OXR1: variants seen among roughly 807,000 people sequenced by gnomAD.
The protein encoded by OXR1 is oxidation resistance 1.
Under a neutral mutation model 104.6 loss-of-function variants are expected in OXR1, and 41 were observed. That is an observed-to-expected ratio of 0.39 (90% CI 0.31 to 0.51). The LOEUF is 0.51. Ranked by LOEUF, OXR1 falls within the 20% of genes least tolerant of loss-of-function variation. The pLI is 0.77. For missense variants in OXR1, 955 were observed against 1,031.9 expected (o/e 0.93, Z 1.02); for synonymous variants, 348 against 348.4 (o/e 1.00, Z 0.01).
chr8:106,404,656 T>A (rs1818142600), intron 2 of OXR1, among the ~76,000 whole-genome samples: 1 of 152,162 alleles, frequency 6.6e-6, no homozygotes, highest in Admixed American at 6.5e-5. Flanking sequence ...TTACTATGTT[T>A]GTTACTTTTC....
At chr8:106,369,249 G>T (rs1816608395) in intron 2 of OXR1, among the ~76,000 whole-genome samples, 2 of 151,972 alleles carry the variant, frequency 1.3e-5, no homozygotes, top group African/African-American at 4.8e-5. Context: ...GGGGTTGTTT[G>T]TTTTTTCTTG....
At chr8:106,519,346 T>C (rs944760986) in intron 3 of OXR1, among the ~76,000 whole-genome samples, 2 of 152,196 alleles carry the variant, frequency 1.3e-5, no homozygotes, top group African/African-American at 4.8e-5. Flanking sequence ...AAAGCAGGCT[T>C]GAGGACCTTC....
Position 106,706,889 on chromosome 8 carries a change from T to C in OXR1, c.1368T>C (p.Asn456=). Residue 456 remains asparagine, a synonymous_variant, in exon 9 of 17, where the codon AAT becomes AAC. Coordinates refer to ENST00000517566, the MANE Select transcript of OXR1 (RefSeq NM_001198533.2). ...ACCAGGATTCTTTTCTTCATGAGAA[T>C]TCGTTACACCAAGAAGAGAGTCAAA... is the stretch of plus-strand genomic sequence containing the variant. The part of the protein sequence containing the change: ...NSDQDSFLHE[N]SLHQEESQKE... 1 of 1,611,700 alleles carries C rather than the reference T, an allele frequency of 6.2e-7. No homozygotes were observed. Among genetic ancestry groups the C allele is most frequent in the East Asian group, 2.2e-5 (1 of 44,858 alleles).
chr8:106,511,090 G>T (rs1812492941), intron 2 of OXR1, among the ~76,000 whole-genome samples: 1 of 152,110 alleles, frequency 6.6e-6, no homozygotes, highest in Admixed American at 6.6e-5. Flanking sequence ...CCAAGGGATT[G>T]TTTTCTTCTT....
At chr8:106,529,641 T>C (rs1813945369) in intron 3 of OXR1, among the ~76,000 whole-genome samples, 1 of 152,192 alleles carries the variant, frequency 6.6e-6, no homozygotes, top group Non-Finnish European at 1.5e-5. Context: ...TTTGCCCTGA[T>C]TCTGTGATTG....
chr8:106,702,819 C>T, intron 7 of OXR1, 87 bp from the exon 8 acceptor site: 1 of 1,015,292 alleles, frequency 9.8e-7, no homozygotes, highest in Non-Finnish European at 1.4e-6. Context: ...TATGGCCTAA[C>T]ATCAGAAGAA....
At chr8:106,576,580 A>G (rs1817857392) in intron 3 of OXR1, among the ~76,000 whole-genome samples, 1 of 152,004 alleles carries the variant, frequency 6.6e-6, no homozygotes, top group African/African-American at 2.4e-5. Context: ...ATAAATGTAC[A>G]GTCTATGTAA....
chr8:106,298,923 ATGTGTG>A (rs36103627), intron 1 of OXR1, among the ~76,000 whole-genome samples: 1 of 150,048 alleles, frequency 6.7e-6, no homozygotes, highest in Non-Finnish European at 1.5e-5. Context: ...TTATATATAT[ATGTGTG>A]TGTGTGTGTG....
chr8:106,597,491 C>T (rs1041975448), intron 3 of OXR1, among the ~76,000 whole-genome samples: 39 of 152,106 alleles, frequency 2.6e-4, no homozygotes, highest in Admixed American at 4.6e-4. Flanking sequence ...GAAAGGAAGA[C>T]AAATTTAACA....
intron 9 of OXR1, among the ~76,000 whole-genome samples, chr8:106,708,418 A>G (rs1378175807): frequency 2.0e-5 from 3 of 152,112 alleles, no homozygotes; most frequent in Non-Finnish European, 4.4e-5. Flanking sequence ...AATAAAAAAC[A>G]AAAACCAGTA....
intron 1 of OXR1, among the ~76,000 whole-genome samples, chr8:106,308,488 A>T (rs968385719): frequency 2.6e-5 from 4 of 152,164 alleles, no homozygotes; most frequent in Non-Finnish European, 5.9e-5. Flanking sequence ...ATAAAATTAA[A>T]CATCACACCT....
chr8:106,275,869 T>C (rs1812017364), intron 1 of OXR1, among the ~76,000 whole-genome samples: 1 of 152,324 alleles, frequency 6.6e-6, no homozygotes, highest in East Asian at 1.9e-4. Context: ...TAAAATTTCA[T>C]TTTATCTTAT....
rs1377788298 is a variant in OXR1, at chr8:106,712,092, A to G, written c.1793+1302A>G. ...CTGCCTCTCCCTTTTATTTTTCTTT[A>G]TAAGTACTGAGAAGCTTTGTTCATA... On this transcript the variant is annotated intron_variant, in intron 10 of 16. Transcript: ENST00000517566. Among the ~76,000 whole-genome samples, 6 of 152,228 alleles carry G rather than the reference A, an allele frequency of 3.9e-5. No homozygotes were observed. In the East Asian group the frequency reaches 5.8e-4, roughly 15 times the overall value.
At chr8:106,459,745 G>C (rs1464379935) in intron 2 of OXR1, among the ~76,000 whole-genome samples, 4 of 152,166 alleles carry the variant, frequency 2.6e-5, no homozygotes, top group Non-Finnish European at 5.9e-5. Flanking sequence ...TGTCTGTCAT[G>C]ATATAGCCTC....
chr8:106,358,393 C>G (rs1586562653), intron 1 of OXR1, among the ~76,000 whole-genome samples: 1 of 152,192 alleles, frequency 6.6e-6, no homozygotes, highest in Non-Finnish European at 1.5e-5. Flanking sequence ...GAAATCCTTC[C>G]CAACTCCCTG....
chr8:106,678,475 A>C (rs1298808196), intron 3 of OXR1, among the ~76,000 whole-genome samples: 2 of 151,952 alleles, frequency 1.3e-5, no homozygotes, highest in African/African-American at 4.8e-5. Flanking sequence ...CATTTTAATA[A>C]TTTTTATGTT....
intron 3 of OXR1, among the ~76,000 whole-genome samples, chr8:106,555,101 G>A (rs4734925): frequency 0.42 from 64,257 of 151,900 alleles, 13,789 homozygotes; most frequent in Admixed American, 0.45. Context: ...CATGTTGTAC[G>A]TTAGATCCTT....
At chr8:106,405,192 A>AGTG in intron 2 of OXR1, among the ~76,000 whole-genome samples, 1 of 13,822 alleles carries the variant, frequency 7.2e-5, no homozygotes, top group Non-Finnish European at 1.2e-4. Context: ...ATATATATAT[A>AGTG]TATATATATA....
chr8:106,729,003 T>A (rs928218107), intron 11 of OXR1, among the ~76,000 whole-genome samples: 1 of 152,198 alleles, frequency 6.6e-6, no homozygotes, highest in African/African-American at 2.4e-5. Flanking sequence ...AAGAATTAGC[T>A]GACAGGTGGA....
Sources: allele counts gnomAD v4.1 joint callset (sites outside exome capture counted in the v4.1 genomes callset), GRCh38; gene constraint gnomAD v4.1.1; transcripts MANE v1.5; gene names NCBI Gene and HGNC (gene_info 2026-07-23, HGNC 2026-07-21).